The following KCNT2 variants were observed in gnomAD, a reference collection of about 807,000 sequenced individuals.
The protein encoded by KCNT2 is potassium sodium-activated channel subfamily T member 2, also known as potassium channel subfamily T member 2.
A neutral mutation model predicts 153.8 loss-of-function variants in KCNT2; 67 were observed. The ratio of observed to expected loss-of-function variants is 0.44; its 90% CI spans 0.36 to 0.53. KCNT2 has a LOEUF of 0.53. Among genes scored for constraint, KCNT2 ranks in the 20% least tolerant of loss-of-function variants. The pLI, the probability that KCNT2 is intolerant of heterozygous loss-of-function variation, is 0.00. For synonymous variants in KCNT2, 500 were observed against 458.8 expected (o/e 1.09, Z -1.15); for missense variants, 975 against 1,354.8 (o/e 0.72, Z 4.40).
rs187034660 is a variant in KCNT2, at chr1:196,231,168, T to C, written c.3297-2833A>G. On this transcript the variant is annotated intron_variant, in intron 27 of 27. Transcript: ENST00000294725. ...TGAAGGCTCAGATGACTGCTAGCAT[T>C]TTTTTTTTAGCAATAAACTGTTTTT... 1.5e-3 allele frequency among the ~76,000 whole-genome samples: 223 copies of C among 150,984 alleles called. 2 individuals carry two copies. In the Middle Eastern group the frequency reaches 0.021, roughly 14 times the overall value.
chr1:196,300,561 CAAAG>C (rs904922014), intron 22 of KCNT2, among the ~76,000 whole-genome samples: 32 of 152,062 alleles, frequency 2.1e-4, no homozygotes, highest in Admixed American at 1.9e-3. Context: ...TATCTGAAGA[CAAAG>C]AGATGCCAAG....
At chr1:196,351,466 A>C (rs910988910) in intron 14 of KCNT2, among the ~76,000 whole-genome samples, 8 of 150,422 alleles carry the variant, frequency 5.3e-5, no homozygotes, top group African/African-American at 1.9e-4. Context: ...CTTTGAAGCA[A>C]TTGTGAATGG....
At chr1:196,408,380 A>G (rs1437157977) in intron 12 of KCNT2, among the ~76,000 whole-genome samples, 1 of 151,600 alleles carries the variant, frequency 6.6e-6, no homozygotes, top group Non-Finnish European at 1.5e-5. Context: ...AAAAATAAGA[A>G]AAGGAAAAGA....
intron 25 of KCNT2, among the ~76,000 whole-genome samples, chr1:196,277,867 CT>C (rs1303403205): frequency 1.3e-5 from 2 of 151,810 alleles, no homozygotes; most frequent in East Asian, 1.9e-4. Flanking sequence ...ATGTTTTATT[CT>C]TTAAATACAA....
chr1:196,456,605 G>T (rs1262383289), intron 8 of KCNT2, among the ~76,000 whole-genome samples: 1 of 151,792 alleles, frequency 6.6e-6, no homozygotes, highest in Non-Finnish European at 1.5e-5. Flanking sequence ...TGGGTCTTCT[G>T]GTTATTTGTT....
chr1:196,232,854 G>T (rs1654072713), intron 27 of KCNT2, among the ~76,000 whole-genome samples: 1 of 151,240 alleles, frequency 6.6e-6, no homozygotes, highest in African/African-American at 2.4e-5. Context: ...TATGGGAAAT[G>T]ATTGTATTAA....
chr1:196,323,558 A>G (rs1433437086), intron 19 of KCNT2, among the ~76,000 whole-genome samples: 1 of 151,924 alleles, frequency 6.6e-6, no homozygotes, highest in Non-Finnish European at 1.5e-5. Flanking sequence ...AATATGACTG[A>G]GTTTTATTTA....
intron 8 of KCNT2, among the ~76,000 whole-genome samples, chr1:196,464,877 C>T (rs1677472460): frequency 6.6e-6 from 1 of 151,930 alleles, no homozygotes; most frequent in Non-Finnish European, 1.5e-5. Flanking sequence ...AAGAATCATG[C>T]ACAGAAAGCA....
intron 3 of KCNT2, among the ~76,000 whole-genome samples, chr1:196,485,612 T>C (rs948693757): frequency 4.0e-5 from 6 of 151,858 alleles, no homozygotes. Context: ...CTAGACTATG[T>C]CTTGTGAAAT....
At chr1:196,364,230 ACTCT>A (rs1667859896) in intron 14 of KCNT2, among the ~76,000 whole-genome samples, 1 of 152,126 alleles carries the variant, frequency 6.6e-6, no homozygotes, top group African/African-American at 2.4e-5. Context: ...GTATGTGTGA[ACTCT>A]ACTGGTTTTC....
In KCNT2 at chr1:196,228,056, T is replaced by C. The variant is rs2102203799; in HGVS notation, c.*168A>G. 1 of 513,824 alleles carries C rather than the reference T, an allele frequency of 1.9e-6. No homozygotes were observed. The highest frequency in any genetic ancestry group is 3.5e-6 in the Non-Finnish European group (1 of 289,750). The allele number at this position is 513,824 out of a possible 1,614,324, so 31.8% of individuals were successfully genotyped here. A position where few individuals can be genotyped will look rare whatever the true frequency, so the allele number is the denominator to read the frequency against. ...CAAATATTAATAGGGAGAGTACCAG[T>C]AAGTAGTACATTAAGTTTCAAAATG... On this transcript the variant is annotated 3_prime_UTR_variant, in exon 28 of 28. Coordinates refer to ENST00000294725, the MANE Select transcript of KCNT2 (RefSeq NM_198503.5).
chr1:196,585,943 A>G (rs1662627276), intron 1 of KCNT2, among the ~76,000 whole-genome samples: 1 of 152,122 alleles, frequency 6.6e-6, no homozygotes, highest in East Asian at 1.9e-4. Flanking sequence ...TCTCAACTCT[A>G]TTGAACTCTT....
chr1:196,351,107 C>T (rs917429238), intron 14 of KCNT2, among the ~76,000 whole-genome samples: 5 of 152,090 alleles, frequency 3.3e-5, no homozygotes, highest in South Asian at 2.1e-4. Flanking sequence ...GTTACTGTAG[C>T]CTTGTCGTAT....
At chr1:196,306,447 T>G (rs896165667) in intron 21 of KCNT2, among the ~76,000 whole-genome samples, 2 of 152,110 alleles carry the variant, frequency 1.3e-5, no homozygotes, top group Non-Finnish European at 2.9e-5. Flanking sequence ...ACATGCTTCT[T>G]TTAAGATGGG....
Position 196,465,307 on chromosome 1 carries a change from G to T in KCNT2, c.624C>A (p.Cys208Ter). The change falls in exon 8 of 28, where the codon TGC (cysteine) becomes TGA (stop). Residue 208 changes from cysteine (C) to a stop codon, truncating the protein, a stop_gained. Transcript: ENST00000294725. LOFTEE classifies it high-confidence loss of function. ...TACAATCTTACCAGGTGAAGATAAG[G>T]CATAGTAATGTAGATATTAAAATCA... ...QVLILISTLL[C>*]LIFTCICGIQ... 1 of 1,564,826 alleles carries T rather than the reference G, an allele frequency of 6.4e-7. No homozygotes were observed. The highest frequency in any genetic ancestry group is 8.8e-7 in the Non-Finnish European group (1 of 1,136,270).
At chr1:196,495,659 C>G (rs1271160707) in intron 1 of KCNT2, among the ~76,000 whole-genome samples, 1 of 152,114 alleles carries the variant, frequency 6.6e-6, no homozygotes, top group Non-Finnish European at 1.5e-5. Flanking sequence ...CTTTCTGGAC[C>G]TTCCCCAGAA....
Position 196,343,314 on chromosome 1 carries a change from T to C in KCNT2, c.1404-1086A>G, listed in dbSNP as rs148389505. Among the ~76,000 whole-genome samples, 476 of 152,328 alleles carry C rather than the reference T, an allele frequency of 3.1e-3. 2 individuals are homozygous for C. Among genetic ancestry groups the C allele is most frequent in the African/African-American group, 0.011 (444 of 41,598 alleles). On this transcript the variant is annotated intron_variant, in intron 14 of 27. Coordinates refer to ENST00000294725, the MANE Select transcript of KCNT2 (RefSeq NM_198503.5). ...GTGGCTTTAGAAATATATTAAAAAT[T>C]CAATTTATGAGAAATTCATAATGGA... is the stretch of plus-strand genomic sequence containing the variant.
chr1:196,276,789 G>A (rs2147852760), intron 25 of KCNT2, among the ~76,000 whole-genome samples: 1 of 152,160 alleles, frequency 6.6e-6, no homozygotes, highest in East Asian at 1.9e-4. Flanking sequence ...AAAATCTTGA[G>A]AGCATTGTTT....
chr1:196,600,624 A>C (rs978501983), intron 1 of KCNT2, among the ~76,000 whole-genome samples: 2 of 149,450 alleles, frequency 1.3e-5, no homozygotes, highest in Non-Finnish European at 3.0e-5. Flanking sequence ...ATAGAAATAC[A>C]TTTATATTAG....
Sources: allele counts gnomAD v4.1 joint callset (sites outside exome capture counted in the v4.1 genomes callset), GRCh38; gene constraint gnomAD v4.1.1; transcripts MANE v1.5; gene names NCBI Gene and HGNC (gene_info 2026-07-23, HGNC 2026-07-21).